The following MND1 variants were observed in gnomAD, a reference collection of about 807,000 sequenced individuals.
MND1 encodes the protein meiotic nuclear division protein 1 homolog.
MND1 carries 28 observed loss-of-function variants against 35.1 expected under a neutral mutation model. The ratio of observed to expected loss-of-function variants is 0.80; its 90% CI spans 0.59 to 1.09. The LOEUF (loss-of-function observed/expected upper bound fraction) is 1.09. Ranked by LOEUF, MND1 falls within the 50% of genes least tolerant of loss-of-function variation. The probability of loss-of-function intolerance (pLI) is 0.00; values close to 1 mark genes in which losing one functional copy is unlikely to be tolerated. For missense variants in MND1, 213 were observed against 239.6 expected (o/e 0.89, Z 0.73); for synonymous variants, 69 against 70.5 (o/e 0.98, Z 0.11).
chr4:153,358,636 GT>G lies in MND1; in HGVS notation c.276+16del. 1 of 1,609,422 alleles carries G rather than the reference GT, an allele frequency of 6.2e-7. No homozygotes were observed. Among genetic ancestry groups the G allele is most frequent in the East Asian group, 2.2e-5 (1 of 44,734 alleles). On this transcript the variant is annotated intron_variant, in intron 4 of 7. Coordinates refer to ENST00000240488, the MANE Select transcript of MND1 (RefSeq NM_032117.4). Reference sequence around the variant, plus strand: ...CTGGAATCTCAGGTAAGCTGCCACAGTTAAAAAGAATAGAGTTGCTTTATAA... The same window carrying G: ...CTGGAATCTCAGGTAAGCTGCCACAGTAAAAAGAATAGAGTTGCTTTATAA...
intron 1 of MND1, chr4:153,345,358 T>C: frequency 1.0e-6 from 1 of 985,534 alleles, no homozygotes; most frequent in Non-Finnish European, 1.2e-6. Context: ...AATTAGTCGA[T>C]TTCTGTGAAA....
chr4:153,395,901 G>GA (rs1729185977), intron 5 of MND1, among the ~76,000 whole-genome samples: 1 of 151,880 alleles, frequency 6.6e-6, no homozygotes, highest in South Asian at 2.1e-4. Context: ...TTTTTGGTTT[G>GA]TTTTTTAGAG....
chr4:153,347,601 TA>T (rs913125691), intron 1 of MND1, among the ~76,000 whole-genome samples: 1 of 152,206 alleles, frequency 6.6e-6, no homozygotes, highest in African/African-American at 2.4e-5. Context: ...TACGGACAAG[TA>T]AACATCTTTT....
chr4:153,397,697 G>A (rs1729237654), intron 6 of MND1, among the ~76,000 whole-genome samples: 1 of 151,960 alleles, frequency 6.6e-6, no homozygotes, highest in East Asian at 1.9e-4. Flanking sequence ...ACAGATGCCA[G>A]TAGTCCCAGC....
intron 4 of MND1, among the ~76,000 whole-genome samples, chr4:153,393,919 G>GTTTTTTT (rs1360869360): frequency 1.4e-4 from 8 of 55,556 alleles, no homozygotes; most frequent in African/African-American, 2.4e-4. Flanking sequence ...GTTTGACTTT[G>GTTTTTTT]TTTTCTTTTT....
At chr4:153,399,843 G>C (rs1193623476) in intron 6 of MND1, among the ~76,000 whole-genome samples, 1 of 151,030 alleles carries the variant, frequency 6.6e-6, no homozygotes, top group African/African-American at 2.4e-5. Flanking sequence ...CAGTATATGA[G>C]GTCTCACTGA....
chr4:153,355,593 A>G (rs911518744), intron 2 of MND1, 61 bp from the exon 3 acceptor site: 1 of 1,109,534 alleles, frequency 9.0e-7, no homozygotes, highest in Non-Finnish European at 1.3e-6. Context: ...TTTAAAAATG[A>G]AAATATACAT....
chr4:153,379,122 A>G (rs1284546135), intron 4 of MND1, among the ~76,000 whole-genome samples: 5 of 151,874 alleles, frequency 3.3e-5, no homozygotes, highest in African/African-American at 1.2e-4. Context: ...CCCCGTCTCT[A>G]CTAAAAGTAC....
intron 4 of MND1, among the ~76,000 whole-genome samples, chr4:153,381,469 T>G (rs1389555773): frequency 1.3e-5 from 2 of 150,886 alleles, no homozygotes; most frequent in South Asian, 2.1e-4. Context: ...TACAAAAAAC[T>G]GGGCCTACAA....
chr4:153,394,775 A>T (rs574110134), intron 5 of MND1, among the ~76,000 whole-genome samples: 1 of 152,208 alleles, frequency 6.6e-6, no homozygotes, highest in Non-Finnish European at 1.5e-5. Context: ...GCATAGAACA[A>T]ACTGAAAACT....
chr4:153,352,069 A>G (rs985756898), intron 2 of MND1, among the ~76,000 whole-genome samples: 2 of 152,322 alleles, frequency 1.3e-5, no homozygotes, highest in Non-Finnish European at 2.9e-5. Flanking sequence ...AATAATGACA[A>G]CTCATAGAGA....
At chr4:153,399,617 C>T (rs1190514771) in intron 6 of MND1, among the ~76,000 whole-genome samples, 1 of 152,082 alleles carries the variant, frequency 6.6e-6, no homozygotes, top group Non-Finnish European at 1.5e-5. Context: ...CACATCACCT[C>T]TTAGGTAATA....
Position 153,355,675 on chromosome 4 carries a change from G to A in MND1, c.91G>A (p.Asp31Asn), listed in dbSNP as rs973560602. 2 of 1,587,744 alleles carry A rather than the reference G, an allele frequency of 1.3e-6. No homozygotes were observed. The highest frequency in any genetic ancestry group is 2.7e-5 in the African/African-American group (2 of 74,110). ...SETKDVFQLK[D>N]LEKIAPKEKG... ...ACAGAAAGATGTATTTCAATTAAAA[G>A]ACTTGGAGAAGATTGCTCCCAAAGA... The change falls in exon 3 of 8, where the codon GAC becomes AAC. Residue 31 changes from aspartate to asparagine, a missense_variant. Physicochemically the swap from Asp to Asn is conservative, Grantham distance 23 (BLOSUM62 1). Coordinates refer to ENST00000240488, the MANE Select transcript of MND1 (RefSeq NM_032117.4).
At chr4:153,381,121 G>A (rs28441404) in intron 4 of MND1, among the ~76,000 whole-genome samples, 28,164 of 151,922 alleles carry the variant, frequency 0.19, 2,773 homozygotes, top group African/African-American at 0.24. Flanking sequence ...GGATGGTTTC[G>A]ATCTCCTGAC....
chr4:153,392,174 T>C (rs1312470943), intron 4 of MND1, among the ~76,000 whole-genome samples: 2 of 151,806 alleles, frequency 1.3e-5, no homozygotes, highest in Non-Finnish European at 2.9e-5. Flanking sequence ...CGATCTCGGC[T>C]CACTGCAAGC....
At chr4:153,414,407 G>A (rs193248805) in intron 7 of MND1, among the ~76,000 whole-genome samples, 1 of 151,466 alleles carries the variant, frequency 6.6e-6, no homozygotes, top group Admixed American at 6.6e-5. Flanking sequence ...TCAGCCTCCC[G>A]AGTAGCTGGG....
At chr4:153,363,463 C>T (rs1041439482) in intron 4 of MND1, among the ~76,000 whole-genome samples, 63 of 152,310 alleles carry the variant, frequency 4.1e-4, no homozygotes, top group African/African-American at 1.5e-3. Flanking sequence ...CCACCCGCCT[C>T]GGCCTCCCAA....
chr4:153,367,890 G>T (rs1408143089), intron 4 of MND1, among the ~76,000 whole-genome samples: 1 of 152,158 alleles, frequency 6.6e-6, no homozygotes, highest in African/African-American at 2.4e-5. Context: ...GGTATGAAGT[G>T]GTATCTCATT....
In MND1 at chr4:153,390,919, A is replaced by ATGTATGTGTGTGTGTG. The variant is rs1554012262; in HGVS notation, c.277-3340_277-3339insATGTGTGTGTGTGTGT. On this transcript the variant is annotated intron_variant, in intron 4 of 7. Transcript: ENST00000240488. ...TGTGTGTGTGTGTGTGTGTGTGTAT[A>ATGTATGTGTGTGTGTG]TGTGTGTGTGTGTGTGTGTGTGTAT... 1.3e-3 allele frequency among the ~76,000 whole-genome samples: 163 copies of ATGTATGTGTGTGTGTG among 124,760 alleles called. 1 individual carries two copies. Among genetic ancestry groups the ATGTATGTGTGTGTGTG allele is most frequent in the South Asian group, 8.6e-3 (36 of 4,172 alleles). 81.8% of individuals were successfully genotyped at this position (124,760 alleles called of 152,430 possible).
Sources: gnomAD v4.1 joint callset for allele counts (sites outside exome capture counted in the v4.1 genomes callset) on GRCh38, gnomAD v4.1.1 for gene constraint, MANE v1.5 for transcripts, NCBI Gene and HGNC (gene_info 2026-07-23, HGNC 2026-07-21) for gene names.